Variants in MAPRE2 observed in about 807,000 individuals in gnomAD.
MAPRE2 encodes the protein microtubule-associated protein RP/EB family member 2.
MAPRE2 carries 13 observed loss-of-function variants against 43.2 expected under a neutral mutation model. That is an observed-to-expected ratio of 0.30 (90% confidence interval 0.20 to 0.48). The LOEUF (loss-of-function observed/expected upper bound fraction) is 0.48. MAPRE2 is among the 20% of genes least tolerant of loss of function. The probability of loss-of-function intolerance (pLI) is 0.99; values close to 1 mark genes in which losing one functional copy is unlikely to be tolerated. For synonymous variants in MAPRE2, 135 were observed against 148.8 expected (o/e 0.91, Z 0.68); for missense variants, 161 against 400.2 (o/e 0.40, Z 5.10).
At chr18:35,075,888 G>A (rs1907328977) in intron 2 of MAPRE2, among the ~76,000 whole-genome samples, 1 of 151,748 alleles carries the variant, frequency 6.6e-6, no homozygotes, top group African/African-American at 2.4e-5. Flanking sequence ...TTTTGGAGCA[G>A]GATAGATAAT....
chr18:35,035,952 A>G (rs551247876), intron 2 of MAPRE2, among the ~76,000 whole-genome samples: 3 of 145,462 alleles, frequency 2.1e-5, no homozygotes, highest in East Asian at 2.0e-4. Context: ...ACCTCATCAC[A>G]TTAAGACCTA....
intron 1 of MAPRE2, among the ~76,000 whole-genome samples, chr18:35,056,078 A>AT (rs11337808): frequency 4.6e-5 from 7 of 151,844 alleles, no homozygotes; most frequent in Admixed American, 1.3e-4. Context: ...AAATGGACAG[A>AT]TTTTTTTAAT....
rs539713797 is a variant in MAPRE2 at position 35,052,437 on chromosome 18, G to T, written c.122+10776G>T. Reference sequence around the variant, plus strand: ...TTGCTGAGTAGTATTTCATTGTATGGCTATACCATATTTTGTTTATCTGCT... The same window carrying T: ...TTGCTGAGTAGTATTTCATTGTATGTCTATACCATATTTTGTTTATCTGCT... On this transcript the variant is annotated intron_variant, in intron 1 of 6. Transcript: ENST00000300249. 2.0e-5 allele frequency among the ~76,000 whole-genome samples: 3 copies of T among 152,228 alleles called. No individual in the cohort carries two copies. In the South Asian group the frequency reaches 6.2e-4, roughly 32 times the overall value.
intron 1 of MAPRE2, among the ~76,000 whole-genome samples, chr18:34,983,205 A>G (rs924155025): frequency 5.9e-5 from 9 of 152,234 alleles, no homozygotes; most frequent in African/African-American, 2.2e-4. Flanking sequence ...GTTACCAACC[A>G]TAGGTCAACT....
intron 4 of MAPRE2, among the ~76,000 whole-genome samples, chr18:35,103,807 G>T (rs952454898): frequency 6.6e-6 from 1 of 152,158 alleles, no homozygotes; most frequent in African/African-American, 2.4e-5. Context: ...CATCTGCTGA[G>T]AAGTCAAGTT....
intron 1 of MAPRE2, among the ~76,000 whole-genome samples, chr18:34,979,602 T>C (rs2030926721): frequency 6.6e-6 from 1 of 151,954 alleles, no homozygotes; most frequent in Non-Finnish European, 1.5e-5. Context: ...GTTGGGAAAG[T>C]GTAAACTGGT....
intron 1 of MAPRE2, among the ~76,000 whole-genome samples, chr18:34,981,453 G>A (rs1006322673): frequency 6.6e-6 from 1 of 152,028 alleles, no homozygotes; most frequent in African/African-American, 2.4e-5. Flanking sequence ...TATATACCTA[G>A]CTCTGTAATA....
chr18:35,091,309 C>T (rs866515114), intron 2 of MAPRE2, among the ~76,000 whole-genome samples: 1 of 152,188 alleles, frequency 6.6e-6, no homozygotes. Flanking sequence ...AAATTACCTT[C>T]AGGGTATGTG....
intron 4 of MAPRE2, among the ~76,000 whole-genome samples, chr18:35,119,443 T>C (rs1569011009): frequency 6.6e-6 from 1 of 152,226 alleles, no homozygotes; most frequent in Non-Finnish European, 1.5e-5. Context: ...TTATTATTTA[T>C]TGTCTAGTTC....
rs1905353126 is a variant in MAPRE2, at chr18:35,041,416, A to G, written c.-124A>G. The G allele has an allele frequency of 3.2e-6, 5 of 1,555,220 alleles. No individual in the cohort carries two copies. Among genetic ancestry groups the G allele is most frequent in the African/African-American group, 1.4e-5 (1 of 73,472 alleles). ...GCGGGGCGCGAGCGAGAGCTGGGAG[A>G]AGGCAGTGAGCGAGCAGGCGGCAGG... On this transcript the variant is annotated 5_prime_UTR_variant, in exon 1 of 7. Transcript: ENST00000300249.
At chr18:35,063,484 TA>T (rs111922465) in intron 1 of MAPRE2, among the ~76,000 whole-genome samples, 47,567 of 140,812 alleles carry the variant, frequency 0.34, 10,237 homozygotes, top group African/African-American at 0.61. Context: ...GAAGGTAACT[TA>T]AAAAAAAAAA....
In MAPRE2 at chr18:35,005,555, T is replaced by G; in HGVS notation, c.-8+2T>G. ...AGGGAGAAAGCCTGGATGCTCAAGG[T>G]AAGGTTTATATAAATTACGTTGCAT... On this transcript the variant is annotated splice_donor_variant, in intron 2 of 7. Transcript: ENST00000413393. LOFTEE classifies it low-confidence loss of function (5UTR_SPLICE). 6.5e-7 allele frequency: 1 copy of G among 1,537,620 alleles called. No homozygotes were observed. The highest frequency in any genetic ancestry group is 1.2e-5 in the South Asian group (1 of 81,928).
At chr18:35,083,262 A>G (rs1008631077) in intron 2 of MAPRE2, among the ~76,000 whole-genome samples, 2 of 152,230 alleles carry the variant, frequency 1.3e-5, no homozygotes, top group Non-Finnish European at 2.9e-5. Flanking sequence ...TAGAAGGGTA[A>G]TACAAGTGTG....
In MAPRE2 at chr18:35,088,628, G is replaced by C. The variant is rs1436485432; in HGVS notation, c.251-8818G>C. Among the ~76,000 whole-genome samples the C allele has an allele frequency of 2.6e-5, 4 of 152,176 alleles. 1 individual carries two copies. Among genetic ancestry groups the C allele is most frequent in the African/African-American group, 9.7e-5 (4 of 41,436 alleles). On this transcript the variant is annotated intron_variant, in intron 2 of 6. Transcript: ENST00000300249. ...GTAGTTAAATGGCACAAAAGTCTGT[G>C]TATCTGTTGATGAGGAACATTCTGA...
At chr18:35,087,281 T>C (rs1907923319) in intron 2 of MAPRE2, among the ~76,000 whole-genome samples, 1 of 152,138 alleles carries the variant, frequency 6.6e-6, no homozygotes, top group Non-Finnish European at 1.5e-5. Context: ...TATTTCCAGA[T>C]CATTTCAGAA....
chr18:35,043,593 G>A (rs1905471964), intron 1 of MAPRE2, among the ~76,000 whole-genome samples: 1 of 152,054 alleles, frequency 6.6e-6, no homozygotes, highest in Non-Finnish European at 1.5e-5. Context: ...CCCTATAATG[G>A]CATTCAAAAT....
rs1426640158 is a variant in MAPRE2 at position 35,019,057 on chromosome 18, T to TG, written c.-8+13504_-8+13505insG. The stretch of plus-strand genomic sequence containing the variant: ...ATTTCAAAGAATTTTTTTAGAATTT[T>TG]TTTTTATTTCTGCCTTAATTTTATT... On this transcript the variant is annotated intron_variant, in intron 2 of 7. Coordinates refer to the MAPRE2 transcript ENST00000413393. Among the ~76,000 whole-genome samples, 3 of 151,660 alleles carry TG rather than the reference T, an allele frequency of 2.0e-5. No homozygotes were observed. In the East Asian group the frequency reaches 5.8e-4, roughly 29 times the overall value.
intron 2 of MAPRE2, among the ~76,000 whole-genome samples, chr18:35,089,309 G>A (rs1258897313): frequency 6.6e-6 from 1 of 152,064 alleles, no homozygotes; most frequent in Admixed American, 6.6e-5. Context: ...AGCTAAATTG[G>A]ATTTTATTGA....
At chr18:34,985,319 T>TATTATAA (rs2097019431) in intron 1 of MAPRE2, among the ~76,000 whole-genome samples, 4 of 43,886 alleles carry the variant, frequency 9.1e-5, no homozygotes, top group African/African-American at 3.9e-4. Flanking sequence ...TATTATATTA[T>TATTATAA]ATATATAATA....
Sources: gnomAD v4.1 joint callset for allele counts (sites outside exome capture counted in the v4.1 genomes callset) on GRCh38, gnomAD v4.1.1 for gene constraint, MANE v1.5 for transcripts, NCBI Gene and HGNC (gene_info 2026-07-23, HGNC 2026-07-21) for gene names.